TMEM132B: variants seen among roughly 807,000 people sequenced by gnomAD.
TMEM132B encodes transmembrane protein 132B.
A neutral mutation model predicts 90.8 loss-of-function variants in TMEM132B; 18 were observed. The observed-to-expected ratio is 0.20, with a 90% CI of 0.14 to 0.29. The LOEUF (loss-of-function observed/expected upper bound fraction) is 0.29, where lower values mean the gene tolerates loss of function less well. Ranked by LOEUF, TMEM132B falls within the 10% of genes least tolerant of loss-of-function variation. The pLI is 1.00. For missense variants in TMEM132B, 1,096 were observed against 1,326.8 expected, an observed-to-expected ratio of 0.83 and a Z score of 2.70; for synonymous variants, 504 against 523.3, an observed-to-expected ratio of 0.96 and a Z score of 0.50.
intron 3 of TMEM132B, among the ~76,000 whole-genome samples, chr12:125,487,787 A>C (rs996393870): frequency 2.0e-5 from 3 of 152,114 alleles, no homozygotes; most frequent in African/African-American, 7.2e-5. Flanking sequence ...CACGTCTGCT[A>C]TTTGTCTCTT....
chr12:125,493,521 A>G (rs933067183), intron 3 of TMEM132B, among the ~76,000 whole-genome samples: 1 of 151,914 alleles, frequency 6.6e-6, no homozygotes, highest in Non-Finnish European at 1.5e-5. Flanking sequence ...GTTTTTCTCC[A>G]CTGGCCCTCA....
intron 1 of TMEM132B, among the ~76,000 whole-genome samples, chr12:125,220,575 A>G (rs1873534621): frequency 6.6e-6 from 1 of 152,218 alleles, no homozygotes; most frequent in Non-Finnish European, 1.5e-5. Flanking sequence ...CATTTCCAAG[A>G]GGTCTGGAGT....
chr12:125,363,279 C>T (rs541315668), intron 2 of TMEM132B, among the ~76,000 whole-genome samples: 1 of 152,272 alleles, frequency 6.6e-6, no homozygotes, highest in Admixed American at 6.5e-5. Context: ...CTTACTGATC[C>T]CCACAACCCT....
chr12:125,654,758 A>G lies in TMEM132B; in HGVS notation c.*48A>G. The G allele has an allele frequency of 6.4e-7, 1 of 1,568,514 alleles. No individual in the cohort carries two copies. Among genetic ancestry groups the G allele is most frequent in the South Asian group, 1.2e-5 (1 of 83,482 alleles). ...CACCTTTATGCCTTCTGTTTTTTGAATGCTGGAGCAGTGAGTTTGATCAGC... is the reference window on the plus strand; with the variant it reads ...CACCTTTATGCCTTCTGTTTTTTGAGTGCTGGAGCAGTGAGTTTGATCAGC... On this transcript the variant is annotated 3_prime_UTR_variant, in exon 9 of 9. Transcript: ENST00000682704. The surrounding 1 kb of genome is among the most constrained non-coding windows in gnomAD (Gnocchi z 5.8).
intron 3 of TMEM132B, among the ~76,000 whole-genome samples, chr12:125,426,513 T>G (rs114978510): frequency 0.011 from 1,692 of 152,308 alleles, 30 homozygotes; most frequent in African/African-American, 0.037. Context: ...TTCTGGTGTG[T>G]TTGTTAAAAA....
At chr12:125,472,242 G>T (rs993700117) in intron 3 of TMEM132B, among the ~76,000 whole-genome samples, 3 of 152,154 alleles carry the variant, frequency 2.0e-5, no homozygotes, top group South Asian at 2.1e-4. Flanking sequence ...AGCAGTGCAG[G>T]GGGGTACAGC....
chr12:125,317,171 C>G (rs111406395), intron 1 of TMEM132B, among the ~76,000 whole-genome samples: 1 of 151,036 alleles, frequency 6.6e-6, no homozygotes, highest in Non-Finnish European at 1.5e-5. Flanking sequence ...CTTCCCCTCT[C>G]TGTGCCTCAG....
At chr12:125,433,545 G>T (rs1362097635) in intron 3 of TMEM132B, among the ~76,000 whole-genome samples, 37 of 141,508 alleles carry the variant, frequency 2.6e-4, no homozygotes, top group African/African-American at 9.1e-4. Flanking sequence ...TATACTTTAA[G>T]TTTTAGGGTA....
chr12:125,504,343 A>G (rs547422815), intron 3 of TMEM132B, among the ~76,000 whole-genome samples: 1 of 152,226 alleles, frequency 6.6e-6, no homozygotes, highest in South Asian at 2.1e-4. Context: ...TTTTTTTAAT[A>G]TCTCAAGGTG....
At chr12:125,412,826 C>G (rs1458376371) in intron 2 of TMEM132B, among the ~76,000 whole-genome samples, 1 of 152,072 alleles carries the variant, frequency 6.6e-6, no homozygotes, top group South Asian at 2.1e-4. Flanking sequence ...CAGGATGCCT[C>G]TATTTGTGGT....
chr12:125,461,890 C>T (rs1024653046), intron 3 of TMEM132B, among the ~76,000 whole-genome samples: 6 of 152,186 alleles, frequency 3.9e-5, no homozygotes, highest in African/African-American at 1.4e-4. Flanking sequence ...AAGCCTGGTT[C>T]TCGACCTCGC....
chr12:125,394,557 C>T (rs1879119150), intron 2 of TMEM132B, among the ~76,000 whole-genome samples: 1 of 152,178 alleles, frequency 6.6e-6, no homozygotes, highest in African/African-American at 2.4e-5. Context: ...GCAGTCCTTT[C>T]TCAAGGGGGA....
chr12:125,217,340 T>C (rs1288905139), intron 1 of TMEM132B, among the ~76,000 whole-genome samples: 2 of 152,190 alleles, frequency 1.3e-5, no homozygotes, highest in Non-Finnish European at 2.9e-5. Context: ...TTTCCCATCT[T>C]ATATATTGGG....
intron 1 of TMEM132B, among the ~76,000 whole-genome samples, chr12:125,313,744 C>T (rs1876181366): frequency 7.4e-6 from 1 of 134,400 alleles, no homozygotes; most frequent in Non-Finnish European, 1.6e-5. Context: ...ACATGCAACC[C>T]AGGCTGGCTT....
intron 1 of TMEM132B, among the ~76,000 whole-genome samples, chr12:125,248,186 G>A (rs980339866): frequency 1.3e-5 from 2 of 152,122 alleles, no homozygotes; most frequent in African/African-American, 4.8e-5. Context: ...TTAAAGCGAC[G>A]GCTCTGCAAT....
chr12:125,405,541 C>G lies in TMEM132B; in HGVS notation c.960-9990C>G, dbSNP rs145950649. On this transcript the variant is annotated intron_variant, in intron 2 of 8. Coordinates refer to ENST00000682704, the MANE Select transcript of TMEM132B (RefSeq NM_001366854.1). ...TGAGAGAGGAGGAGTCTGTACTGCA[C>G]CAAGAGTCAATGGCAAAGCCAGGAC... Among the ~76,000 whole-genome samples the G allele has an allele frequency of 3.8e-3, 584 of 152,250 alleles. 1 individual carries two copies. The highest frequency in any genetic ancestry group is 0.013 in the African/African-American group (549 of 41,542).
chr12:125,395,008 C>A (rs1347333109), intron 2 of TMEM132B, among the ~76,000 whole-genome samples: 1 of 152,130 alleles, frequency 6.6e-6, no homozygotes, highest in Admixed American at 6.5e-5. Context: ...ACCCATGTGA[C>A]AAACCTGCAC....
In TMEM132B at chr12:125,246,775, A is replaced by T. The variant is rs1478156439; in HGVS notation, c.67+59909A>T. ...CTCACCCTTTGTTCCTGTGGACAGA[A>T]GTGATGGATTTTGCAGTCTGGAGGC... On this transcript the variant is annotated intron_variant, in intron 1 of 8. Transcript: ENST00000682704. The surrounding 1 kb of genome is among the most constrained non-coding windows in gnomAD (Gnocchi z 4.2). 6.6e-6 allele frequency among the ~76,000 whole-genome samples: 1 copy of T among 152,186 alleles called. No homozygotes were observed. The highest frequency in any genetic ancestry group is 1.5e-5 in the Non-Finnish European group (1 of 68,038).
chr12:125,596,338 G>A (rs1048632595), intron 5 of TMEM132B, among the ~76,000 whole-genome samples: 2 of 152,190 alleles, frequency 1.3e-5, no homozygotes, highest in Non-Finnish European at 2.9e-5. Context: ...TTAAACAAAT[G>A]TGTGCTTCTC....
Sources: gnomAD v4.1 joint callset for allele counts (sites outside exome capture counted in the v4.1 genomes callset) on GRCh38, gnomAD v4.1.1 for gene constraint, Gnocchi (gnomAD v3.1) non-coding constraint, MANE v1.5 for transcripts, NCBI Gene and HGNC (gene_info 2026-07-23, HGNC 2026-07-21) for gene names.